CSMD1: variants seen among roughly 807,000 people sequenced by gnomAD.
The protein encoded by CSMD1 is CUB and sushi domain-containing protein 1.
A neutral mutation model predicts 417.5 loss-of-function variants in CSMD1; 213 were observed. That is an observed-to-expected ratio of 0.51 (90% confidence interval 0.46 to 0.57). CSMD1 has a LOEUF of 0.57. CSMD1 is among the 20% of genes least tolerant of loss of function. The pLI is 0.00. For missense variants in CSMD1, 6,923 were observed against 4,529.7 expected (o/e 1.53, Z -15.17); for synonymous variants, 2,862 against 1,736.8 (o/e 1.65, Z -16.11).
chr8:4,073,158 T>C (rs905154820), intron 3 of CSMD1, among the ~76,000 whole-genome samples: 1 of 152,174 alleles, frequency 6.6e-6, no homozygotes, highest in Admixed American at 6.5e-5. Flanking sequence ...GTGATTTCAC[T>C]TTTAGAAAAA....
chr8:3,946,602 T>C (rs747534194), intron 5 of CSMD1, among the ~76,000 whole-genome samples: 4 of 152,182 alleles, frequency 2.6e-5, no homozygotes, highest in African/African-American at 4.8e-5. Flanking sequence ...TTTTGGGCTC[T>C]TGACTGGAAT....
intron 26 of CSMD1, among the ~76,000 whole-genome samples, chr8:3,231,876 G>C (rs112367817): frequency 6.6e-6 from 1 of 152,152 alleles, no homozygotes; most frequent in Non-Finnish European, 1.5e-5. Context: ...AAGTCATTAA[G>C]TCTGCTATGA....
intron 41 of CSMD1, among the ~76,000 whole-genome samples, chr8:3,141,883 C>T (rs538367119): frequency 7.4e-4 from 112 of 151,714 alleles, no homozygotes; most frequent in Non-Finnish European, 8.1e-4. Flanking sequence ...CTGCAAGCTC[C>T]GCCTCCCGGG....
At chr8:3,397,650 C>G (rs191344761) in intron 16 of CSMD1, among the ~76,000 whole-genome samples, 2 of 152,162 alleles carry the variant, frequency 1.3e-5, no homozygotes, top group Admixed American at 6.5e-5. Context: ...AGTTCAAATT[C>G]AAGAAGTCTG....
intron 10 of CSMD1, among the ~76,000 whole-genome samples, chr8:3,536,616 G>C (rs144942445): frequency 2.0e-5 from 3 of 152,174 alleles, no homozygotes; most frequent in Admixed American, 6.5e-5. Context: ...GAACAGAAAC[G>C]GTAATTCAGA....
At chr8:3,414,470 C>G (rs968636903) in intron 12 of CSMD1, among the ~76,000 whole-genome samples, 3 of 152,140 alleles carry the variant, frequency 2.0e-5, no homozygotes, top group African/African-American at 7.2e-5. Context: ...GTTCTCACCC[C>G]TCACTGTCTA....
chr8:3,943,004 A>G (rs1211917447), intron 5 of CSMD1, among the ~76,000 whole-genome samples: 2 of 152,130 alleles, frequency 1.3e-5, no homozygotes, highest in Non-Finnish European at 2.9e-5. Flanking sequence ...GGAGGTCTAA[A>G]TTATTAAGTT....
At chr8:3,920,914 G>C (rs973397185) in intron 5 of CSMD1, among the ~76,000 whole-genome samples, 2 of 152,070 alleles carry the variant, frequency 1.3e-5, no homozygotes, top group African/African-American at 2.4e-5. Flanking sequence ...TTTGATTACA[G>C]ACATTGGCCT....
intron 2 of CSMD1, among the ~76,000 whole-genome samples, chr8:4,471,713 G>GA (rs1800544589): frequency 6.7e-6 from 1 of 150,022 alleles, no homozygotes; most frequent in African/African-American, 2.4e-5. Flanking sequence ...CATCTTCAAA[G>GA]AAAAATGCAG....
chr8:4,200,319 G>C (rs1014216032), intron 3 of CSMD1, among the ~76,000 whole-genome samples: 4 of 152,034 alleles, frequency 2.6e-5, no homozygotes, highest in South Asian at 2.1e-4. Context: ...GTGTCACTTA[G>C]ATATGGTATG....
intron 5 of CSMD1, chr8:3,949,850 C>G: frequency 2.2e-6 from 1 of 453,494 alleles, no homozygotes; most frequent in Middle Eastern, 3.4e-4. Flanking sequence ...TGAGGGGATC[C>G]CTGGGGACAT....
At chr8:3,955,700 C>T (rs573472069) in intron 5 of CSMD1, among the ~76,000 whole-genome samples, 3 of 152,116 alleles carry the variant, frequency 2.0e-5, no homozygotes, top group African/African-American at 4.8e-5. Context: ...AGGATGAATA[C>T]GTGGACACAA....
At chr8:3,116,041 C>T (rs1368040693) in intron 42 of CSMD1, among the ~76,000 whole-genome samples, 1 of 152,138 alleles carries the variant, frequency 6.6e-6, no homozygotes, top group Non-Finnish European at 1.5e-5. Flanking sequence ...GACTGAAGTG[C>T]CATATAACTG....
intron 3 of CSMD1, among the ~76,000 whole-genome samples, chr8:4,084,169 G>C (rs531554778): frequency 2.6e-4 from 39 of 152,066 alleles, no homozygotes; most frequent in African/African-American, 9.2e-4. Flanking sequence ...ATAATTAAAA[G>C]AGAAAGAATT....
chr8:4,584,212 G>A (rs940709278), intron 2 of CSMD1, among the ~76,000 whole-genome samples: 1 of 152,006 alleles, frequency 6.6e-6, no homozygotes, highest in South Asian at 2.1e-4. Flanking sequence ...TGAAGCTAGT[G>A]AGACCAAGAA....
At chr8:4,325,815 G>C (rs1799525989) in intron 3 of CSMD1, among the ~76,000 whole-genome samples, 1 of 152,210 alleles carries the variant, frequency 6.6e-6, no homozygotes, top group South Asian at 2.1e-4. Flanking sequence ...TGATGACCCT[G>C]AGAACGACTG....
Position 4,609,584 on chromosome 8 carries a change from CT to C in CSMD1, c.302+27757del, listed in dbSNP as rs1801060187. Among the ~76,000 whole-genome samples the C allele has an allele frequency of 2.0e-5, 3 of 152,308 alleles. No individual in the cohort carries two copies. The South Asian group carries it at 6.2e-4, about 32-fold the overall frequency. On this transcript the variant is annotated intron_variant, in intron 2 of 69. Coordinates refer to ENST00000635120, the MANE Select transcript of CSMD1 (RefSeq NM_033225.6). ...CAAAAGTGAGCAGAATAAACAGCCA[CT>C]GCCATCACAGAGTATGATCTTATTA...
At chr8:3,066,149 G>C (rs1285255896) in intron 49 of CSMD1, among the ~76,000 whole-genome samples, 1 of 152,156 alleles carries the variant, frequency 6.6e-6, no homozygotes, top group Non-Finnish European at 1.5e-5. Context: ...CTGCTTCCAA[G>C]GGCTGCTGGT....
At chr8:4,938,000 T>G (rs1461774030) in intron 1 of CSMD1, among the ~76,000 whole-genome samples, 1 of 152,182 alleles carries the variant, frequency 6.6e-6, no homozygotes, top group African/African-American at 2.4e-5. Flanking sequence ...TGACTCATCC[T>G]CCCTCATGCA....
Sources: allele counts gnomAD v4.1 joint callset (sites outside exome capture counted in the v4.1 genomes callset), GRCh38; gene constraint gnomAD v4.1.1; transcripts MANE v1.5; gene names NCBI Gene and HGNC (gene_info 2026-07-23, HGNC 2026-07-21).